Variants in POLR3A observed in about 807,000 individuals in gnomAD.
POLR3A encodes the protein DNA-directed RNA polymerase III subunit RPC1.
POLR3A carries 112 observed loss-of-function variants against 152.8 expected under a neutral mutation model. The observed-to-expected ratio is 0.73, with a 90% CI of 0.63 to 0.86. The LOEUF (loss-of-function observed/expected upper bound fraction) is 0.86. Ranked by LOEUF, POLR3A falls within the 40% of genes least tolerant of loss-of-function variation. The probability of loss-of-function intolerance (pLI) is 0.00; values close to 1 mark genes in which losing one functional copy is unlikely to be tolerated. For synonymous variants in POLR3A, 615 were observed against 652.1 expected (o/e 0.94, Z 0.87); for missense variants, 1,385 against 1,743.1 (o/e 0.79, Z 3.66).
At chr10:78,013,244 G>A in intron 11 of POLR3A, 2 of 287,162 alleles carry the variant, frequency 7.0e-6, no homozygotes, top group East Asian at 8.5e-5. Flanking sequence ...AAATGTGCTG[G>A]TGCTTAAAGA....
At chr10:77,986,256 C>A in intron 21 of POLR3A, 97 bp from the exon 22 acceptor site, 4 of 785,218 alleles carry the variant, frequency 5.1e-6, no homozygotes, top group Non-Finnish European at 9.3e-6. Flanking sequence ...ACAAGTCCAT[C>A]ATATTTTAGT....
At chr10:77,982,356 G>A (rs775547897) in intron 27 of POLR3A, 38 bp from the exon 28 acceptor site, 4 of 1,601,758 alleles carry the variant, frequency 2.5e-6, no homozygotes, top group African/African-American at 1.3e-5. Context: ...AGGACGGGGT[G>A]AGCCATGCCC....
rs189739051 is a variant in POLR3A, at chr10:78,003,563, G to A, written c.2247+1153C>T. 2.5e-3 allele frequency among the ~76,000 whole-genome samples: 385 copies of A among 152,288 alleles called. 5 individuals carry two copies. The highest frequency in any genetic ancestry group is 8.5e-3 in the African/African-American group (355 of 41,554). On this transcript the variant is annotated intron_variant, in intron 16 of 30. Transcript: ENST00000372371. ...AAATGAGGGGCAGCAGGCTGGGGAT[G>A]TGACTATTAGACATGAATTCTCCCT...
intron 10 of POLR3A, among the ~76,000 whole-genome samples, chr10:78,016,410 T>TAAAAAAAAAA (rs548574588): frequency 7.6e-5 from 7 of 92,098 alleles, no homozygotes; most frequent in Non-Finnish European, 1.6e-4. Context: ...CTCCACTTAT[T>TAAAAAAAAAA]AAAAAAAAAA....
chr10:78,001,239 C>A, intron 17 of POLR3A, 145 bp from the exon 18 acceptor site: 1 of 603,492 alleles, frequency 1.7e-6, no homozygotes, highest in Non-Finnish European at 3.1e-6. Flanking sequence ...GAAATACAAT[C>A]AAGACAACAA....
rs753333424 is a variant in POLR3A at position 77,975,344 on chromosome 10, G to C, written c.*2134C>G. ...AACACCAGTCATGGGACACAGTGGG[G>C]AGCACAAACAGTAGGGTTTACCAGG... On this transcript the variant is annotated 3_prime_UTR_variant, in exon 31 of 31. Coordinates refer to ENST00000372371, the MANE Select transcript of POLR3A (RefSeq NM_007055.4). 6.6e-6 allele frequency: 1 copy of C among 152,190 alleles called. No homozygotes were observed. The highest frequency in any genetic ancestry group is 1.5e-5 in the Non-Finnish European group (1 of 68,060). 9.4% of individuals were successfully genotyped at this position (152,190 alleles called of 1,614,324 possible). A position where few individuals can be genotyped will look rare whatever the true frequency, so the allele number is the denominator to read the frequency against.
At chr10:77,986,222 T>G (rs777902107) in intron 21 of POLR3A, 63 bp from the exon 22 acceptor site, 4 of 865,292 alleles carry the variant, frequency 4.6e-6, no homozygotes, top group Non-Finnish European at 8.1e-6. Flanking sequence ...ACATAATTCA[T>G]TTCATAAACC....
At chr10:78,023,658 G>A (rs1847601806) in intron 5 of POLR3A, among the ~76,000 whole-genome samples, 1 of 151,286 alleles carries the variant, frequency 6.6e-6, no homozygotes, top group South Asian at 2.1e-4. Context: ...TGTGCCTGTA[G>A]TCCCAGCTAC....
Position 78,025,675 on chromosome 10 carries a change from C to A in POLR3A, c.265G>T (p.Glu89Ter), listed in dbSNP as rs1398540934. Residue 89 changes from glutamate (E) to a stop codon, truncating the protein, a stop_gained, in exon 3 of 31, where the codon GAG becomes TAG. Coordinates refer to ENST00000372371, the MANE Select transcript of POLR3A (RefSeq NM_007055.4). LOFTEE classifies it high-confidence loss of function. ...TACCCTACATGAAAACACGGCAACT[C>A]CAGGTCGATATACCCATAGTGGCCT... ...CLGHYGYIDL[E>*]LPCFHVGYFR... 1 of 1,613,970 alleles carries A rather than the reference C, an allele frequency of 6.2e-7. No individual in the cohort carries two copies. The highest frequency in any genetic ancestry group is 1.7e-5 in the Admixed American group (1 of 60,000).
intron 21 of POLR3A, 59 bp from the exon 22 acceptor site, chr10:77,986,218 T>C: frequency 1.1e-6 from 1 of 887,194 alleles, no homozygotes. Context: ...GATGACATAA[T>C]TCATTTCATA....
chr10:77,991,205 C>T (rs971273745), intron 20 of POLR3A, 38 bp from the exon 21 acceptor site: 7 of 1,168,294 alleles, frequency 6.0e-6, no homozygotes, highest in African/African-American at 4.5e-5. Flanking sequence ...TGTGTGGGTG[C>T]CACAGAGAGC....
At chr10:77,986,267 G>A in intron 21 of POLR3A, 108 bp from the exon 22 acceptor site, 1 of 767,568 alleles carries the variant, frequency 1.3e-6, no homozygotes. Context: ...ATATTTTAGT[G>A]TTAGCTCCAT....
At chr10:77,982,562 C>G in intron 27 of POLR3A, 91 bp downstream of exon 27, 1 of 1,169,376 alleles carries the variant, frequency 8.6e-7, no homozygotes, top group Non-Finnish European at 1.3e-6. Flanking sequence ...ATTAAGAAAT[C>G]GGACTAAGTG....
intron 21 of POLR3A, among the ~76,000 whole-genome samples, chr10:77,988,182 C>G (rs2131933130): frequency 6.6e-6 from 1 of 152,254 alleles, no homozygotes; most frequent in Non-Finnish European, 1.5e-5. Context: ...CGGAGGGTGA[C>G]CCTGCAGCCC....
At chr10:77,994,861 A>G (rs1329219795) in intron 19 of POLR3A, among the ~76,000 whole-genome samples, 1 of 152,188 alleles carries the variant, frequency 6.6e-6, no homozygotes, top group Non-Finnish European at 1.5e-5. Flanking sequence ...CATAATTGTC[A>G]GATTCACCAA....
chr10:77,982,478 T>C (rs1847156421), intron 27 of POLR3A, among the ~76,000 whole-genome samples, 160 bp from the exon 28 acceptor site: 1 of 152,110 alleles, frequency 6.6e-6, no homozygotes. Flanking sequence ...CTGCACCTCA[T>C]CCTAACATCA....
chr10:77,989,016 C>T (rs1847223195), intron 21 of POLR3A, among the ~76,000 whole-genome samples: 1 of 151,182 alleles, frequency 6.6e-6, no homozygotes, highest in Admixed American at 6.6e-5. Flanking sequence ...TGACATAGCT[C>T]AGCTTTCACC....
chr10:78,011,711 G>A (rs973247100), intron 11 of POLR3A, among the ~76,000 whole-genome samples: 3 of 152,190 alleles, frequency 2.0e-5, no homozygotes, highest in Admixed American at 2.0e-4. Context: ...TGAGATTAGT[G>A]TATTTTGAAA....
intron 3 of POLR3A, 129 bp downstream of exon 3, chr10:78,025,493 A>G (rs1847623756): frequency 1.1e-6 from 1 of 870,184 alleles, no homozygotes; most frequent in African/African-American, 1.7e-5. Flanking sequence ...AGATGAAAAT[A>G]TTATGTACTT....
Sources: gnomAD v4.1 joint callset for allele counts (sites outside exome capture counted in the v4.1 genomes callset) on GRCh38, gnomAD v4.1.1 for gene constraint, MANE v1.5 for transcripts, NCBI Gene and HGNC (gene_info 2026-07-23, HGNC 2026-07-21) for gene names.